The following GALNT13 variants were observed in gnomAD, a reference collection of about 807,000 sequenced individuals.
The protein encoded by GALNT13 is UDP-GalNAc:polypeptide N-acetylgalactosaminyltransferase 13.
In GALNT13, 28 loss-of-function variants were observed where a neutral mutation model predicts 64.2. The ratio of observed to expected loss-of-function variants is 0.44; its 90% CI spans 0.32 to 0.60. The LOEUF (loss-of-function observed/expected upper bound fraction) is 0.60. GALNT13 is among the 20% of genes least tolerant of loss of function. The pLI is 0.05. For synonymous variants in GALNT13, 214 were observed against 224.6 expected (o/e 0.95, Z 0.42); for missense variants, 577 against 669.8 (o/e 0.86, Z 1.53).
At chr2:153,257,151 G>C in the GALNT13 span, among the ~76,000 whole-genome samples, 1 of 152,210 alleles carries the variant, frequency 6.6e-6, no homozygotes, top group African/African-American at 2.4e-5. Flanking sequence ...ATATAATCTT[G>C]TGGTGCGCCG....
chr2:153,966,359 T>A (rs1693342677), intron 3 of GALNT13, among the ~76,000 whole-genome samples: 1 of 149,020 alleles, frequency 6.7e-6, no homozygotes, highest in African/African-American at 2.5e-5. Flanking sequence ...TTTTTGTTGC[T>A]GTTGTTGGGA....
the GALNT13 span, among the ~76,000 whole-genome samples, chr2:153,726,951 A>AAC: frequency 1.5e-3 from 218 of 150,036 alleles, no homozygotes; most frequent in African/African-American, 4.8e-3. Flanking sequence ...AAAAAAAAAA[A>AAC]AAAAACAAAA....
intron 4 of GALNT13, among the ~76,000 whole-genome samples, chr2:154,235,285 T>G (rs978592653): frequency 6.6e-6 from 1 of 152,138 alleles, no homozygotes; most frequent in African/African-American, 2.4e-5. Context: ...TTTTAAAAAA[T>G]TGAATTACCC....
intron 8 of GALNT13, among the ~76,000 whole-genome samples, chr2:154,282,743 C>A (rs1442789248): frequency 6.6e-6 from 1 of 152,112 alleles, no homozygotes; most frequent in Non-Finnish European, 1.5e-5. Flanking sequence ...TGGAAAGAAT[C>A]CTCAGGTGTG....
chr2:153,544,880 T>C, the GALNT13 span, among the ~76,000 whole-genome samples: 1 of 152,226 alleles, frequency 6.6e-6, no homozygotes, highest in East Asian at 1.9e-4. Flanking sequence ...ATTTTAAGTA[T>C]GGTAAAATAA....
intron 3 of GALNT13, among the ~76,000 whole-genome samples, chr2:154,068,071 GA>G (rs1449419559): frequency 2.0e-5 from 3 of 151,964 alleles, no homozygotes; most frequent in Non-Finnish European, 4.4e-5. Context: ...TGATATTTCT[GA>G]AAAGAAGACA....
the GALNT13 span, among the ~76,000 whole-genome samples, chr2:153,474,245 T>C: frequency 6.6e-6 from 1 of 152,226 alleles, no homozygotes; most frequent in East Asian, 1.9e-4. Context: ...AATGGAATCA[T>C]AGAATTGGAA....
the GALNT13 span, among the ~76,000 whole-genome samples, chr2:153,859,335 G>A: frequency 0.89 from 136,003 of 152,218 alleles, 61,523 homozygotes; most frequent in Middle Eastern, 0.95. Context: ...CACACAATCT[G>A]TATCTACAGA....
the GALNT13 span, chr2:153,478,531 G>T: frequency 6.2e-7 from 1 of 1,605,310 alleles, no homozygotes; most frequent in Non-Finnish European, 8.5e-7. Flanking sequence ...GAACAGGCCC[G>T]CCACGTCCGT....
the GALNT13 span, among the ~76,000 whole-genome samples, chr2:153,755,528 A>G: frequency 5.9e-5 from 9 of 152,018 alleles, no homozygotes; most frequent in African/African-American, 1.9e-4. Context: ...TAATTTATCC[A>G]TTGACCTCTT....
At chr2:153,710,771 C>A in the GALNT13 span, among the ~76,000 whole-genome samples, 2,764 of 152,030 alleles carry the variant, frequency 0.018, 46 homozygotes, top group Non-Finnish European at 0.029. Context: ...ACATTGGGAA[C>A]TATTTAACTG....
the GALNT13 span, among the ~76,000 whole-genome samples, chr2:153,527,720 T>G: frequency 6.6e-6 from 1 of 152,102 alleles, no homozygotes; most frequent in African/African-American, 2.4e-5. Flanking sequence ...ACAACAAATT[T>G]TCCAGACATG....
chr2:153,319,986 A>G, the GALNT13 span, among the ~76,000 whole-genome samples: 1 of 152,230 alleles, frequency 6.6e-6, no homozygotes, highest in Non-Finnish European at 1.5e-5. Flanking sequence ...TGATTGAACG[A>G]GTAGTCTAGC....
the GALNT13 span, among the ~76,000 whole-genome samples, chr2:153,485,123 A>G: frequency 1.3e-5 from 2 of 152,194 alleles, no homozygotes; most frequent in African/African-American, 4.8e-5. Flanking sequence ...ATAGGACTGT[A>G]TATCCTGCTT....
chr2:153,322,800 C>T, the GALNT13 span, among the ~76,000 whole-genome samples: 1 of 152,058 alleles, frequency 6.6e-6, no homozygotes, highest in African/African-American at 2.4e-5. Context: ...TGGTTTCCAG[C>T]TTCTATGTTT....
At chr2:153,926,522 A>C (rs1690146889) in intron 2 of GALNT13, among the ~76,000 whole-genome samples, 1 of 152,148 alleles carries the variant, frequency 6.6e-6, no homozygotes, top group Admixed American at 6.6e-5. Flanking sequence ...TTTTAAAATA[A>C]TTTCACATTT....
At chr2:153,424,338 TG>T in the GALNT13 span, among the ~76,000 whole-genome samples, 1 of 151,538 alleles carries the variant, frequency 6.6e-6, no homozygotes, top group Non-Finnish European at 1.5e-5. Context: ...CAAATTACCC[TG>T]AAAAGGATGA....
the GALNT13 span, among the ~76,000 whole-genome samples, chr2:153,362,684 C>T: frequency 6.6e-6 from 1 of 151,906 alleles, no homozygotes; most frequent in East Asian, 1.9e-4. Flanking sequence ...ACAGGAAGAG[C>T]TAACTATACT....
the GALNT13 span, among the ~76,000 whole-genome samples, chr2:153,343,752 A>C: frequency 6.6e-6 from 1 of 152,100 alleles, no homozygotes; most frequent in South Asian, 2.1e-4. Flanking sequence ...CCACTTACTT[A>C]ACTCATCTTA....
Sources: allele counts gnomAD v4.1 joint callset (sites outside exome capture counted in the v4.1 genomes callset), GRCh38; gene constraint gnomAD v4.1.1; transcripts MANE v1.5; gene names NCBI Gene and HGNC (gene_info 2026-07-23, HGNC 2026-07-21).